SUPT3H: variants seen among roughly 807,000 people sequenced by gnomAD.
SUPT3H encodes SPT3 homolog, SAGA and STAGA complex component.
In SUPT3H, 44 loss-of-function variants were observed where a neutral mutation model predicts 44.3. The observed-to-expected ratio is 0.99, with a 90% CI of 0.78 to 1.28. The LOEUF is 1.28. Among genes scored for constraint, SUPT3H ranks in the 50% most tolerant of loss-of-function variants. SUPT3H has a pLI of 0.00. For synonymous variants in SUPT3H, 124 were observed against 125.6 expected, an observed-to-expected ratio of 0.99 and a Z score of 0.09; for missense variants, 380 against 387.1, an observed-to-expected ratio of 0.98 and a Z score of 0.15.
At chr6:45,140,344 G>T (rs958589444) in intron 2 of SUPT3H, among the ~76,000 whole-genome samples, 1 of 152,070 alleles carries the variant, frequency 6.6e-6, no homozygotes, top group Non-Finnish European at 1.5e-5. Flanking sequence ...CCCATCACCT[G>T]AGAAGCCAGA....
At chr6:45,142,562 C>A (rs1037093076) in intron 2 of SUPT3H, among the ~76,000 whole-genome samples, 3 of 151,604 alleles carry the variant, frequency 2.0e-5, no homozygotes, top group African/African-American at 7.3e-5. Context: ...CATGGAGAAA[C>A]CCCGTCTCTA....
chr6:45,285,086 C>T (rs1170348568), intron 2 of SUPT3H, among the ~76,000 whole-genome samples: 2 of 151,790 alleles, frequency 1.3e-5, no homozygotes, highest in South Asian at 2.1e-4. Context: ...ATTGATGGGA[C>T]ATATCTCAAA....
At chr6:44,905,144 G>A (rs1160222275) in intron 10 of SUPT3H, among the ~76,000 whole-genome samples, 1 of 151,912 alleles carries the variant, frequency 6.6e-6, no homozygotes, top group African/African-American at 2.4e-5. Flanking sequence ...CAAAAGCAAT[G>A]GCAACAGAAG....
At chr6:45,041,929 C>T (rs1010985987) in intron 3 of SUPT3H, among the ~76,000 whole-genome samples, 10 of 152,074 alleles carry the variant, frequency 6.6e-5, no homozygotes, top group South Asian at 2.1e-4. Flanking sequence ...TACCATGGTA[C>T]GCAGGCCTCC....
chr6:45,347,023 A>C (rs1040119323), intron 2 of SUPT3H, among the ~76,000 whole-genome samples: 1 of 152,186 alleles, frequency 6.6e-6, no homozygotes, highest in African/African-American at 2.4e-5. Context: ...AAAATAACTT[A>C]CATGGCTGAA....
intron 7 of SUPT3H, among the ~76,000 whole-genome samples, chr6:44,959,607 G>C (rs1775713879): frequency 6.6e-6 from 1 of 151,982 alleles, no homozygotes; most frequent in African/African-American, 2.4e-5. Context: ...TATGAGCTTT[G>C]TGTGTCAATA....
rs79920389 is a variant in SUPT3H, at chr6:45,289,211, T to C, written c.101+75990A>G. On this transcript the variant is annotated intron_variant, in intron 2 of 10. Transcript: ENST00000371459. ...ATTATCAACCCTTTATGTTGTTAAATTGTTACTAAAATTAATTTTAAAGGG... is the reference window on the plus strand; with the variant it reads ...ATTATCAACCCTTTATGTTGTTAAACTGTTACTAAAATTAATTTTAAAGGG... Among the ~76,000 whole-genome samples the C allele has an allele frequency of 2.9e-3, 445 of 152,238 alleles. 2 individuals are homozygous for C. Among genetic ancestry groups the C allele is most frequent in the Non-Finnish European group, 4.5e-3 (306 of 67,988 alleles).
At chr6:44,962,346 G>T (rs1345821338) in intron 6 of SUPT3H, among the ~76,000 whole-genome samples, 1 of 152,114 alleles carries the variant, frequency 6.6e-6, no homozygotes, top group Admixed American at 6.5e-5. Flanking sequence ...CTGAGTCCAG[G>T]TATGATTCAT....
chr6:44,996,734 A>G (rs1025279019), intron 6 of SUPT3H, among the ~76,000 whole-genome samples: 2 of 151,908 alleles, frequency 1.3e-5, no homozygotes, highest in Non-Finnish European at 2.9e-5. Context: ...CTTTGAAACA[A>G]AAGCCTAGAA....
At chr6:44,887,405 T>C (rs1448703254) in intron 10 of SUPT3H, among the ~76,000 whole-genome samples, 4 of 152,012 alleles carry the variant, frequency 2.6e-5, no homozygotes, top group Non-Finnish European at 5.9e-5. Context: ...GAACAGAAAT[T>C]ATAACAAACT....
intron 10 of SUPT3H, among the ~76,000 whole-genome samples, chr6:44,845,642 G>C (rs1018345041): frequency 6.6e-6 from 1 of 152,136 alleles, no homozygotes. Context: ...TGAGACCCTA[G>C]TGGGCACACA....
intron 3 of SUPT3H, among the ~76,000 whole-genome samples, chr6:45,046,322 G>GA (rs1554219845): frequency 8.6e-5 from 13 of 150,994 alleles, no homozygotes; most frequent in African/African-American, 2.2e-4. Flanking sequence ...CACACTGCTT[G>GA]TTTTTTTTTG....
intron 4 of SUPT3H, among the ~76,000 whole-genome samples, chr6:45,017,360 T>G (rs1451847865): frequency 6.6e-6 from 1 of 150,778 alleles, no homozygotes; most frequent in Non-Finnish European, 1.5e-5. Context: ...TTAGATCCCA[T>G]TTCTCAATTT....
chr6:44,893,747 TG>T (rs1763682790), intron 10 of SUPT3H, among the ~76,000 whole-genome samples: 1 of 145,836 alleles, frequency 6.9e-6, no homozygotes, highest in Non-Finnish European at 1.5e-5. Flanking sequence ...AGTAATGGGA[TG>T]GCTGGGTCAA....
At chr6:45,182,384 T>G (rs1813426529) in intron 2 of SUPT3H, among the ~76,000 whole-genome samples, 1 of 152,118 alleles carries the variant, frequency 6.6e-6, no homozygotes, top group Admixed American at 6.5e-5. Context: ...CCTCAAGCCC[T>G]CCAGGTAGCT....
intron 2 of SUPT3H, among the ~76,000 whole-genome samples, chr6:45,291,531 T>C (rs1251102882): frequency 1.3e-5 from 2 of 152,014 alleles, no homozygotes; most frequent in East Asian, 1.9e-4. Context: ...GTGGCCACAA[T>C]GTAAGGAAAT....
At chr6:45,365,173 T>C (rs1422454072) in intron 2 of SUPT3H, 28 bp downstream of exon 2, 3 of 1,319,316 alleles carry the variant, frequency 2.3e-6, no homozygotes, top group Admixed American at 1.9e-5. Context: ...AAAATAGTAA[T>C]AGCAATAGCA....
At chr6:45,070,739 C>CAAAAAA (rs11393241) in intron 3 of SUPT3H, among the ~76,000 whole-genome samples, 2,189 of 95,062 alleles carry the variant, frequency 0.023, 1 homozygote, top group East Asian at 0.035. Context: ...CTGTCTCAAA[C>CAAAAAA]AAAAAAAAAA....
chr6:45,230,676 A>ATTT (rs1767836098), intron 2 of SUPT3H, among the ~76,000 whole-genome samples: 1 of 107,660 alleles, frequency 9.3e-6, no homozygotes, highest in South Asian at 3.2e-4. Context: ...ATATATATAT[A>ATTT]TATATATATA....
Sources: gnomAD v4.1 joint callset for allele counts (sites outside exome capture counted in the v4.1 genomes callset) on GRCh38, gnomAD v4.1.1 for gene constraint, MANE v1.5 for transcripts, NCBI Gene and HGNC (gene_info 2026-07-23, HGNC 2026-07-21) for gene names.